The following GMDS variants were observed in gnomAD, a reference collection of about 807,000 sequenced individuals.
GMDS encodes GDP-mannose 4,6 dehydratase.
In GMDS, 20 loss-of-function variants were observed where a neutral mutation model predicts 49.9. The ratio of observed to expected loss-of-function variants is 0.40; its 90% confidence interval spans 0.28 to 0.58. GMDS has a LOEUF of 0.58. Among genes scored for constraint, GMDS ranks in the 20% least tolerant of loss-of-function variants. The pLI, the probability that GMDS is intolerant of heterozygous loss-of-function variation, is 0.42. For missense variants in GMDS, 362 were observed against 481.4 expected (o/e 0.75, Z 2.32); for synonymous variants, 177 against 178.6 (o/e 0.99, Z 0.07).
chr6:2,070,572 C>A (rs1252998571), intron 4 of GMDS, among the ~76,000 whole-genome samples: 1 of 152,074 alleles, frequency 6.6e-6, no homozygotes, highest in African/African-American at 2.4e-5. Flanking sequence ...GAAAACACTT[C>A]TTTATATATG....
At chr6:1,629,534 G>A (rs537815655) in intron 9 of GMDS, among the ~76,000 whole-genome samples, 5 of 152,320 alleles carry the variant, frequency 3.3e-5, no homozygotes, top group African/African-American at 1.2e-4. Flanking sequence ...CAGTGGAGAG[G>A]AAGTGGCAGA....
At chr6:2,156,848 TA>T (rs1231003829) in intron 1 of GMDS, among the ~76,000 whole-genome samples, 1 of 152,168 alleles carries the variant, frequency 6.6e-6, no homozygotes, top group Non-Finnish European at 1.5e-5. Flanking sequence ...AATGTTCTGT[TA>T]AAATGAGAAG....
chr6:1,802,037 A>G (rs1050150171), intron 7 of GMDS, among the ~76,000 whole-genome samples: 1 of 152,236 alleles, frequency 6.6e-6, no homozygotes, highest in African/African-American at 2.4e-5. Context: ...TGGGAGTTGG[A>G]TATTTAAGCA....
intron 7 of GMDS, among the ~76,000 whole-genome samples, chr6:1,745,831 T>C (rs781740807): frequency 3.3e-5 from 5 of 152,194 alleles, no homozygotes; most frequent in Non-Finnish European, 7.4e-5. Context: ...TAATGGTTAT[T>C]GACTGGTAAA....
At chr6:1,860,462 GGA>G (rs972393097) in intron 7 of GMDS, among the ~76,000 whole-genome samples, 1 of 152,164 alleles carries the variant, frequency 6.6e-6, no homozygotes, top group Non-Finnish European at 1.5e-5. Flanking sequence ...TGGGGGCTGG[GGA>G]GAGAGAGGAG....
At chr6:2,092,582 G>C (rs1021684613) in intron 4 of GMDS, among the ~76,000 whole-genome samples, 3 of 152,144 alleles carry the variant, frequency 2.0e-5, no homozygotes, top group African/African-American at 7.2e-5. Context: ...TGGAAATGTA[G>C]ATAATATACA....
chr6:2,230,536 T>C (rs1781039391), intron 1 of GMDS, among the ~76,000 whole-genome samples: 1 of 152,168 alleles, frequency 6.6e-6, no homozygotes. Flanking sequence ...AAATTTTCCA[T>C]AGTAACAATC....
chr6:1,991,234 T>C (rs1345737340), intron 4 of GMDS, among the ~76,000 whole-genome samples: 1 of 152,044 alleles, frequency 6.6e-6, no homozygotes, highest in Non-Finnish European at 1.5e-5. Flanking sequence ...CCTATTCCTT[T>C]CCAGGACCAA....
intron 2 of GMDS, among the ~76,000 whole-genome samples, chr6:2,117,831 T>TA (rs1774929306): frequency 1.3e-5 from 2 of 152,186 alleles, no homozygotes; most frequent in African/African-American, 4.8e-5. Context: ...TGTCTCCTTT[T>TA]CCAAACACAC....
At chr6:2,209,736 A>T (rs1171499438) in intron 1 of GMDS, among the ~76,000 whole-genome samples, 1 of 152,202 alleles carries the variant, frequency 6.6e-6, no homozygotes, top group African/African-American at 2.4e-5. Flanking sequence ...AAGGACACGT[A>T]AGAAAAAATA....
At chr6:1,875,033 T>C (rs1210551485) in intron 7 of GMDS, among the ~76,000 whole-genome samples, 1 of 152,250 alleles carries the variant, frequency 6.6e-6, no homozygotes, top group East Asian at 1.9e-4. Flanking sequence ...AAAGTTTAAA[T>C]ATTCAGTTGG....
Position 2,083,837 on chromosome 6 carries a change from G to A in GMDS, c.345+31934C>T, listed in dbSNP as rs9392364. On this transcript the variant is annotated intron_variant, in intron 4 of 10. Transcript: ENST00000380815. The stretch of plus-strand genomic sequence containing the variant: ...ATATCCTGACAGATATACTCAAGTG[G>A]AGGTTTATTTCTAACAAAATATTCC... 6.3e-4 allele frequency among the ~76,000 whole-genome samples: 96 copies of A among 152,244 alleles called. 1 individual carries two copies. In the East Asian group the frequency reaches 0.017, roughly 27 times the overall value.
At chr6:2,239,074 A>G (rs755150643) in intron 1 of GMDS, among the ~76,000 whole-genome samples, 6 of 152,196 alleles carry the variant, frequency 3.9e-5, no homozygotes, top group Non-Finnish European at 7.3e-5. Context: ...CACGCCTATA[A>G]TCCCAGCACT....
chr6:1,715,924 A>C (rs945245907), intron 9 of GMDS, among the ~76,000 whole-genome samples: 3 of 152,228 alleles, frequency 2.0e-5, no homozygotes, highest in South Asian at 2.1e-4. Flanking sequence ...CCTTAGAAAA[A>C]ATGACAAATT....
intron 7 of GMDS, among the ~76,000 whole-genome samples, chr6:1,905,663 C>G (rs111488186): frequency 2.3e-5 from 2 of 87,832 alleles, no homozygotes; most frequent in African/African-American, 1.0e-4. Context: ...GCTGTGGGTG[C>G]TGGCGTGTAG....
chr6:1,897,554 C>T (rs958820593), intron 7 of GMDS, among the ~76,000 whole-genome samples: 1 of 152,096 alleles, frequency 6.6e-6, no homozygotes, highest in Non-Finnish European at 1.5e-5. Flanking sequence ...AATTGTATAT[C>T]TTGCCAATAT....
At chr6:1,643,051 A>G (rs1763381039) in intron 9 of GMDS, among the ~76,000 whole-genome samples, 1 of 152,168 alleles carries the variant, frequency 6.6e-6, no homozygotes, top group Non-Finnish European at 1.5e-5. Context: ...GCCGGTCCAT[A>G]CTTCCTTTTA....
chr6:1,794,422 G>A (rs1455319236), intron 7 of GMDS, among the ~76,000 whole-genome samples: 1 of 151,778 alleles, frequency 6.6e-6, no homozygotes, highest in African/African-American at 2.4e-5. Flanking sequence ...AAATCACAGG[G>A]AAAGGAAACT....
At chr6:1,628,215 G>A (rs769980701) in intron 9 of GMDS, among the ~76,000 whole-genome samples, 7 of 152,212 alleles carry the variant, frequency 4.6e-5, no homozygotes, top group Non-Finnish European at 7.3e-5. Context: ...AAGTCATTAA[G>A]CCTGTTTCTG....
Sources: allele counts gnomAD v4.1 joint callset (sites outside exome capture counted in the v4.1 genomes callset), GRCh38; gene constraint gnomAD v4.1.1; transcripts MANE v1.5; gene names NCBI Gene and HGNC (gene_info 2026-07-23, HGNC 2026-07-21).